STAM2: variants seen among roughly 807,000 people sequenced by gnomAD.
STAM2 encodes the protein signal transducing adaptor molecule 2, also known as signal transducing adapter molecule 2.
STAM2 carries 51 observed loss-of-function variants against 65.6 expected under a neutral mutation model. That is an observed-to-expected ratio of 0.78 (90% CI 0.62 to 0.98). The LOEUF (loss-of-function observed/expected upper bound fraction) is 0.98. Among genes scored for constraint, STAM2 ranks in the 50% least tolerant of loss-of-function variants. The pLI is 0.00. For missense variants in STAM2, 584 were observed against 617.8 expected, an observed-to-expected ratio of 0.95 and a Z score of 0.58; for synonymous variants, 198 against 208.4, an observed-to-expected ratio of 0.95 and a Z score of 0.43.
At chr2:152,154,157 C>T (rs1202048368) in intron 1 of STAM2, among the ~76,000 whole-genome samples, 1 of 152,118 alleles carries the variant, frequency 6.6e-6, no homozygotes, top group Non-Finnish European at 1.5e-5. Flanking sequence ...AAGGCCTCTC[C>T]CTGCAGGGGT....
At chr2:152,136,883 A>C (rs1447856351) in intron 7 of STAM2, among the ~76,000 whole-genome samples, 2 of 151,430 alleles carry the variant, frequency 1.3e-5, no homozygotes, top group African/African-American at 2.4e-5. Context: ...TAAGAATATA[A>C]ACATTTTTCT....
intron 12 of STAM2, chr2:152,124,778 A>T (rs1688921452): frequency 6.6e-6 from 1 of 152,230 alleles, no homozygotes; most frequent in South Asian, 2.1e-4. Context: ...TTACCTCCTT[A>T]GTAGACATGT....
At chr2:152,134,491 T>C (rs1689117231) in intron 8 of STAM2, among the ~76,000 whole-genome samples, 1 of 152,198 alleles carries the variant, frequency 6.6e-6, no homozygotes, top group Non-Finnish European at 1.5e-5. Flanking sequence ...CACGACTTCA[T>C]TTTTCTGAAT....
At chr2:152,144,038 A>G in intron 6 of STAM2, 25 bp from the exon 7 acceptor site, 2 of 1,572,942 alleles carry the variant, frequency 1.3e-6, no homozygotes, top group Non-Finnish European at 1.7e-6. Flanking sequence ...TAAAATGCAA[A>G]GAAACTGGAA....
chr2:152,132,267 A>T, intron 10 of STAM2, 99 bp from the exon 11 acceptor site: 1 of 767,208 alleles, frequency 1.3e-6, no homozygotes, highest in Non-Finnish European at 2.2e-6. Flanking sequence ...AACACTATGC[A>T]TAATACACAC....
intron 7 of STAM2, among the ~76,000 whole-genome samples, chr2:152,142,831 A>ATT (rs1473021762): frequency 6.6e-6 from 1 of 152,204 alleles, no homozygotes; most frequent in African/African-American, 2.4e-5. Flanking sequence ...TACTATCTTG[A>ATT]TTGCCTAAGA....
intron 1 of STAM2, among the ~76,000 whole-genome samples, chr2:152,161,914 C>T (rs563538761): frequency 1.3e-5 from 2 of 152,206 alleles, no homozygotes; most frequent in African/African-American, 2.4e-5. Context: ...CCTCTGCCTC[C>T]TGGGTTCAAA....
chr2:152,162,831 A>AT (rs1689710125), intron 1 of STAM2, among the ~76,000 whole-genome samples: 1 of 146,152 alleles, frequency 6.8e-6, no homozygotes, highest in Non-Finnish European at 1.5e-5. Context: ...TAATTTTTGT[A>AT]TTTTTAGTAG....
intron 1 of STAM2, among the ~76,000 whole-genome samples, chr2:152,153,102 A>AT (rs1304893005): frequency 2.0e-5 from 3 of 152,200 alleles, no homozygotes; most frequent in Non-Finnish European, 4.4e-5. Context: ...GAATATAATG[A>AT]TTGAGTTACA....
At position 152,119,310 on chromosome 2, in the gene STAM2, A is replaced by C. The variant is rs1688806743; in HGVS notation, c.*1264T>G. 2 of 152,192 alleles carry C rather than the reference A, an allele frequency of 1.3e-5. No homozygotes were observed. The highest frequency in any genetic ancestry group is 6.5e-5 in the Admixed American group (1 of 15,280). The allele number at this position is 152,192 out of a possible 1,614,324, so 9.4% of individuals were successfully genotyped here. A position where few individuals can be genotyped will look rare whatever the true frequency, so the allele number is the denominator to read the frequency against. On this transcript the variant is annotated 3_prime_UTR_variant, in exon 14 of 14. Transcript: ENST00000263904. ...TCACAGTTATATAGAATCTATTAGCACTATAAACTAACTCAAAATGCAGGC... is the reference window on the plus strand; with the variant it reads ...TCACAGTTATATAGAATCTATTAGCCCTATAAACTAACTCAAAATGCAGGC...
chr2:152,175,135 G>GT (rs1689989640), intron 1 of STAM2, among the ~76,000 whole-genome samples: 1 of 152,168 alleles, frequency 6.6e-6, no homozygotes, highest in Non-Finnish European at 1.5e-5. Flanking sequence ...TAATGGGGAA[G>GT]TAAGTTCTTC....
chr2:152,173,959 C>A (rs768141939), intron 1 of STAM2, among the ~76,000 whole-genome samples: 1 of 152,098 alleles, frequency 6.6e-6, no homozygotes, highest in African/African-American at 2.4e-5. Flanking sequence ...ATGGCACTGG[C>A]CATAAAATAA....
rs1643949391 is a variant in STAM2, at chr2:152,117,096, C to T, written c.*3478G>A. The T allele has an allele frequency of 6.6e-6, 1 of 152,144 alleles. No individual in the cohort carries two copies. Among genetic ancestry groups the T allele is most frequent in the African/African-American group, 2.4e-5 (1 of 41,414 alleles). 9.4% of individuals were successfully genotyped at this position (152,144 alleles called of 1,614,324 possible). On this transcript the variant is annotated 3_prime_UTR_variant, in exon 14 of 14. Coordinates refer to ENST00000263904, the MANE Select transcript of STAM2 (RefSeq NM_005843.6). ...ACTATTCACTATATCACACAAGCAA[C>T]ATAATGCCTCTTTTGACACAGTAAG...
intron 7 of STAM2, among the ~76,000 whole-genome samples, chr2:152,135,910 T>C (rs964247546): frequency 1.3e-5 from 2 of 150,324 alleles, no homozygotes; most frequent in Non-Finnish European, 3.0e-5. Flanking sequence ...TCCAACATGG[T>C]GAAACCTCAT....
Position 152,143,817 on chromosome 2 carries a change from TAAAA to T in STAM2, c.704+6_704+9del. ...CACTTTAAACCTTCCCATAAAGATT[TAAAA>T]CTTACCTGTCATCCAAAACAATAAT... On this transcript the variant is annotated splice_donor_region_variant and intron_variant, in intron 7 of 13. Transcript: ENST00000263904. 6.2e-7 allele frequency: 1 copy of T among 1,602,474 alleles called. No homozygotes were observed. Among genetic ancestry groups the T allele is most frequent in the Non-Finnish European group, 8.5e-7 (1 of 1,174,088 alleles).
chr2:152,171,497 T>C (rs1211664071), intron 1 of STAM2, among the ~76,000 whole-genome samples: 1 of 152,258 alleles, frequency 6.6e-6, no homozygotes, highest in Non-Finnish European at 1.5e-5. Context: ...TGTGTGTATG[T>C]TATGAATTTA....
chr2:152,171,288 A>T (rs1405128285), intron 1 of STAM2, among the ~76,000 whole-genome samples: 2 of 152,172 alleles, frequency 1.3e-5, no homozygotes, highest in Admixed American at 1.3e-4. Context: ...GCCTGGCAGG[A>T]ATGGGAGTTC....
At chr2:152,165,636 C>T (rs1689769784) in intron 1 of STAM2, among the ~76,000 whole-genome samples, 1 of 152,146 alleles carries the variant, frequency 6.6e-6, no homozygotes, top group Admixed American at 6.5e-5. Flanking sequence ...CGAGGACCTG[C>T]CTTGCCTACA....
intron 10 of STAM2, 27 bp from the exon 11 acceptor site, chr2:152,132,195 A>G (rs1387848666): frequency 1.3e-6 from 2 of 1,574,652 alleles, no homozygotes; most frequent in African/African-American, 2.7e-5. Context: ...ACTTACAAAT[A>G]TAGAAACTTA....
Sources: allele counts gnomAD v4.1 joint callset (sites outside exome capture counted in the v4.1 genomes callset), GRCh38; gene constraint gnomAD v4.1.1; transcripts MANE v1.5; gene names NCBI Gene and HGNC (gene_info 2026-07-23, HGNC 2026-07-21).